Variants in CUBN observed in about 807,000 individuals in gnomAD.
The protein encoded by CUBN is cubilin.
A neutral mutation model predicts 405.3 loss-of-function variants in CUBN; 282 were observed. The observed-to-expected ratio is 0.70, with a 90% CI of 0.63 to 0.77. CUBN has a LOEUF of 0.77. Among genes scored for constraint, CUBN ranks in the 30% least tolerant of loss-of-function variants. The pLI is 0.00. For missense variants in CUBN, 4,514 were observed against 4,475.2 expected, an observed-to-expected ratio of 1.01 and a Z score of -0.25; for synonymous variants, 1,684 against 1,617.0, an observed-to-expected ratio of 1.04 and a Z score of -0.99.
intron 33 of CUBN, 80 bp downstream of exon 33, chr10:16,952,196 A>G: frequency 1.0e-6 from 1 of 957,612 alleles, no homozygotes; most frequent in South Asian, 1.3e-5. Flanking sequence ...GCACTGAGAT[A>G]AGAAGGTTAC....
In CUBN at chr10:16,913,923, T is replaced by C. The variant is rs370008117; in HGVS notation, c.7421A>G (p.His2474Arg). 6.2e-7 allele frequency: 1 copy of C among 1,613,770 alleles called. No homozygotes were observed. The highest frequency in any genetic ancestry group is 8.5e-7 in the Non-Finnish European group (1 of 1,179,886). Reference protein sequence around the residue: ...TSPNYPNPNPHGRICEWRITA... With the variant: ...TSPNYPNPNPRGRICEWRITA... ...GATTCTCCACTCGCAGATCCGGCCA[T>C]GAGGATTTGGGTTCGGGTAGTTGGG... Residue 2474 changes from histidine (H) to arginine (R), a missense_variant, in exon 48 of 67, where the codon CAT (histidine) becomes CGT (arginine). Around this residue, in one of 5 missense-constraint regions of CUBN, gnomAD observed 1,613 missense variants for 1,542.8 expected, o/e 1.05. Coordinates refer to ENST00000377833, the MANE Select transcript of CUBN (RefSeq NM_001081.4).
intron 14 of CUBN, among the ~76,000 whole-genome samples, chr10:17,092,507 G>C (rs1836286306): frequency 6.6e-6 from 1 of 152,106 alleles, no homozygotes. Flanking sequence ...AGGTCGCAAA[G>C]ACCTTGTTGA....
At chr10:16,964,609 G>A (rs1843335772) in intron 31 of CUBN, among the ~76,000 whole-genome samples, 1 of 152,154 alleles carries the variant, frequency 6.6e-6, no homozygotes, top group Admixed American at 6.5e-5. Flanking sequence ...TGAGGAGCAT[G>A]TAAGGTTTAA....
chr10:16,874,319 T>G (rs937503026), intron 58 of CUBN, 55 bp downstream of exon 58: 3 of 1,594,616 alleles, frequency 1.9e-6, no homozygotes, highest in Non-Finnish European at 2.6e-6. Flanking sequence ...CGAATGGCTC[T>G]TCTATAAATA....
chr10:17,108,772 C>T (rs985806594), intron 10 of CUBN, among the ~76,000 whole-genome samples: 1 of 151,922 alleles, frequency 6.6e-6, no homozygotes, highest in Non-Finnish European at 1.5e-5. Flanking sequence ...CTGAATAGCA[C>T]TACCACTACA....
intron 28 of CUBN, among the ~76,000 whole-genome samples, chr10:16,997,184 C>G (rs1342565460): frequency 1.3e-5 from 2 of 152,100 alleles, no homozygotes; most frequent in African/African-American, 4.8e-5. Context: ...GCCTGTAATC[C>G]CAGCACTTAG....
chr10:17,025,083 C>T (rs1834621203), intron 27 of CUBN, among the ~76,000 whole-genome samples: 1 of 152,126 alleles, frequency 6.6e-6, no homozygotes. Context: ...TAAATCTTTG[C>T]AAATTCCATA....
intron 27 of CUBN, among the ~76,000 whole-genome samples, chr10:17,026,789 C>T (rs1048766762): frequency 9.2e-5 from 14 of 152,198 alleles, no homozygotes; most frequent in Middle Eastern, 3.2e-3. Flanking sequence ...CATGGTTGAT[C>T]CCAGCCGACT....
chr10:16,893,394 T>A lies in CUBN; in HGVS notation c.8599-2867A>T, dbSNP rs570577836. 6.0e-4 allele frequency among the ~76,000 whole-genome samples: 27 copies of A among 44,922 alleles called. No homozygotes were observed. In the South Asian group the frequency reaches 0.03, roughly 50 times the overall value. 29.5% of individuals were successfully genotyped at this position (44,922 alleles called of 152,430 possible). On this transcript the variant is annotated intron_variant, in intron 54 of 66. Coordinates refer to ENST00000377833, the MANE Select transcript of CUBN (RefSeq NM_001081.4). ...CTCAGTTTCCTAGTTTTACTTGAAC[T>A]CGTGTGTGTGTGTGTGTGTGTGTGT...
In CUBN at chr10:17,084,314, A is replaced by T. The variant is rs763874458; in HGVS notation, c.2258T>A (p.Val753Glu). The T allele has an allele frequency of 1.4e-5, 22 of 1,614,034 alleles. No homozygotes were observed. The highest frequency in any genetic ancestry group is 1.9e-5 in the Non-Finnish European group (22 of 1,180,028). ...ACTGTCACTCTGGCATTGCAGCTCCACGTGGGTGAAGTTGATTTGTATTTG... is the reference window on the plus strand; with the variant it reads ...ACTGTCACTCTGGCATTGCAGCTCCTCGTGGGTGAAGTTGATTTGTATTTG... ...GEQIQINFTH[V>E]ELQCQSDSSQ... The change falls in exon 17 of 67, where the codon GTG (valine) becomes GAG (glutamate). Residue 753 changes from valine to glutamate, a missense_variant. Physicochemically the swap from Val to Glu is moderately radical, Grantham distance 121 (BLOSUM62 -2). Coordinates refer to ENST00000377833, the MANE Select transcript of CUBN (RefSeq NM_001081.4).
intron 28 of CUBN, among the ~76,000 whole-genome samples, chr10:17,002,115 T>C (rs980305033): frequency 4.6e-5 from 7 of 152,172 alleles, no homozygotes; most frequent in African/African-American, 1.4e-4. Context: ...TTTAAGTCAA[T>C]GGTCGAAAAG....
intron 6 of CUBN, 156 bp downstream of exon 6, chr10:17,122,639 T>C (rs1837070189): frequency 1.5e-6 from 1 of 668,688 alleles, no homozygotes; most frequent in Non-Finnish European, 2.7e-6. Flanking sequence ...TAAGTAAAAA[T>C]AGCTATGTAG....
chr10:16,935,879 CA>C (rs369098280), intron 39 of CUBN, among the ~76,000 whole-genome samples: 24 of 71,396 alleles, frequency 3.4e-4, no homozygotes, highest in South Asian at 1.8e-3. Flanking sequence ...GACTCCATCT[CA>C]AAAAAAAAAA....
intron 43 of CUBN, 62 bp from the exon 44 acceptor site, chr10:16,920,199 C>G: frequency 6.6e-7 from 1 of 1,517,736 alleles, no homozygotes; most frequent in Non-Finnish European, 9.1e-7. Flanking sequence ...TCAATGGCCA[C>G]AAATCATCTT....
In CUBN at chr10:17,084,240, C is replaced by A. The variant is rs758403361; in HGVS notation, c.2301+31G>T. ...AGAATATAAAAATGTTGATGAATGT[C>A]ATCTAAGGGCGATTGAGTAGTGAAA... On this transcript the variant is annotated intron_variant, in intron 17 of 66. Coordinates refer to ENST00000377833, the MANE Select transcript of CUBN (RefSeq NM_001081.4). 5 of 1,608,034 alleles carry A rather than the reference C, an allele frequency of 3.1e-6. No homozygotes were observed. In the South Asian group the frequency reaches 3.3e-5, roughly 11 times the overall value.
intron 17 of CUBN, among the ~76,000 whole-genome samples, chr10:17,083,516 A>AATAAATACATTCATAC (rs59957943): frequency 7.0e-6 from 1 of 142,626 alleles, no homozygotes; most frequent in Non-Finnish European, 1.5e-5. Flanking sequence ...AAAATAAATA[A>AATAAATACATTCATAC]ATACATACAT....
chr10:17,026,135 G>A (rs1182830963), intron 27 of CUBN, among the ~76,000 whole-genome samples: 4 of 152,152 alleles, frequency 2.6e-5, no homozygotes, highest in Non-Finnish European at 1.5e-5. Context: ...AATTCTCAGG[G>A]CATCTGCTCA....
chr10:16,948,474 T>A lies in CUBN; in HGVS notation c.5209+4A>T. The A allele has an allele frequency of 6.2e-7, 1 of 1,613,874 alleles. No homozygotes were observed. Among genetic ancestry groups the A allele is most frequent in the Non-Finnish European group, 8.5e-7 (1 of 1,179,900 alleles). Reference sequence around the variant, plus strand: ...CGCTAGAGTCAGGTGCTAGGGTTTCTTACCCGACACTGATGCGGTGACCGT... The same window carrying A: ...CGCTAGAGTCAGGTGCTAGGGTTTCATACCCGACACTGATGCGGTGACCGT... On this transcript the variant is annotated splice_donor_region_variant and intron_variant, in intron 35 of 66. Coordinates refer to ENST00000377833, the MANE Select transcript of CUBN (RefSeq NM_001081.4).
chr10:17,123,216 G>A (rs145042299), intron 5 of CUBN, among the ~76,000 whole-genome samples: 10 of 152,152 alleles, frequency 6.6e-5, no homozygotes, highest in African/African-American at 2.4e-4. Context: ...GTGCATGCTG[G>A]AGACAGTTTC....
Sources: gnomAD v4.1 joint callset for allele counts (sites outside exome capture counted in the v4.1 genomes callset) on GRCh38, gnomAD v4.1.1 for gene constraint, gnomAD v4.1.1 regional missense constraint, MANE v1.5 for transcripts, NCBI Gene and HGNC (gene_info 2026-07-23, HGNC 2026-07-21) for gene names.